NUDT3: variants seen among roughly 807,000 people sequenced by gnomAD.
The protein encoded by NUDT3 is nudix hydrolase 3, also known as diphosphoinositol polyphosphate phosphohydrolase 1.
In NUDT3, 9 loss-of-function variants were observed where a neutral mutation model predicts 23.6. That is an observed-to-expected ratio of 0.38 (90% confidence interval 0.23 to 0.66). The LOEUF (loss-of-function observed/expected upper bound fraction) is 0.66. NUDT3 is among the 30% of genes least tolerant of loss of function. The pLI is 0.52. For synonymous variants in NUDT3, 86 were observed against 82.6 expected (o/e 1.04, Z -0.22); for missense variants, 172 against 218.5 (o/e 0.79, Z 1.34).
intron 4 of NUDT3, 94 bp from the exon 5 acceptor site, chr6:34,289,025 TTTC>T: frequency 2.9e-6 from 4 of 1,400,472 alleles, no homozygotes; most frequent in Non-Finnish European, 3.8e-6. Flanking sequence ...TAAAGCAATG[TTTC>T]TTAACACTTT....
intron 2 of NUDT3, among the ~76,000 whole-genome samples, chr6:34,320,204 T>A (rs991109500): frequency 4.6e-5 from 7 of 152,172 alleles, no homozygotes; most frequent in African/African-American, 7.2e-5. Context: ...ATGAAAATTT[T>A]AAATTTTGTT....
chr6:34,327,843 C>T (rs938393000), intron 2 of NUDT3, among the ~76,000 whole-genome samples: 1 of 152,204 alleles, frequency 6.6e-6, no homozygotes, highest in African/African-American at 2.4e-5. Flanking sequence ...GCTGGCATTA[C>T]CGCTTGACCA....
intron 2 of NUDT3, among the ~76,000 whole-genome samples, chr6:34,297,760 A>ATATATATATATTT (rs1763535832): frequency 3.7e-5 from 2 of 53,652 alleles, no homozygotes; most frequent in Non-Finnish European, 6.2e-5. Context: ...TATATATATA[A>ATATATATATATTT]TTTTTTTTTT....
At chr6:34,354,866 C>G (rs891632561) in intron 1 of NUDT3, among the ~76,000 whole-genome samples, 1 of 143,836 alleles carries the variant, frequency 7.0e-6, no homozygotes, top group Non-Finnish European at 1.5e-5. Flanking sequence ...TATTTGTATA[C>G]TTTATATTCT....
At chr6:34,375,094 C>T (rs143438284) in intron 1 of NUDT3, among the ~76,000 whole-genome samples, 214 of 152,288 alleles carry the variant, frequency 1.4e-3, no homozygotes, top group South Asian at 7.9e-3. Context: ...TGCCTGTAAT[C>T]CCAGCACTTT....
chr6:34,327,481 G>A (rs367981664), intron 2 of NUDT3, among the ~76,000 whole-genome samples: 1 of 147,750 alleles, frequency 6.8e-6, no homozygotes, highest in East Asian at 2.0e-4. Context: ...AGTGAGCTGA[G>A]ATCGTGCCAC....
chr6:34,378,851 T>C (rs564773589), intron 1 of NUDT3, among the ~76,000 whole-genome samples: 1 of 152,292 alleles, frequency 6.6e-6, no homozygotes, highest in East Asian at 1.9e-4. Context: ...GAAAAATCAA[T>C]CATTCAATAC....
intron 2 of NUDT3, among the ~76,000 whole-genome samples, chr6:34,317,548 G>C (rs1184319020): frequency 1.3e-5 from 2 of 152,100 alleles, no homozygotes; most frequent in Admixed American, 6.6e-5. Context: ...AGGTATTCAA[G>C]CTTTTCTCCC....
chr6:34,385,399 A>G (rs946229627), intron 1 of NUDT3, among the ~76,000 whole-genome samples: 12 of 152,244 alleles, frequency 7.9e-5, no homozygotes, highest in Admixed American at 3.9e-4. Context: ...ACCATATTAC[A>G]TATTATTAGC....
Position 34,371,918 on chromosome 6 carries a change from G to A in NUDT3, c.99+20346C>T, listed in dbSNP as rs182050649. On this transcript the variant is annotated intron_variant, in intron 1 of 4. Coordinates refer to ENST00000607016, the MANE Select transcript of NUDT3 (RefSeq NM_006703.4). ...CTAACCCCACACTACAACAGGCCCC[G>A]GTGTGTGATGTTCCCCACCCTGTGT... Among the ~76,000 whole-genome samples, 265 of 152,092 alleles carry A rather than the reference G, an allele frequency of 1.7e-3. 2 individuals are homozygous for A. Among genetic ancestry groups the A allele is most frequent in the South Asian group, 2.9e-3 (14 of 4,822 alleles).
At chr6:34,385,316 A>G (rs1231308116) in intron 1 of NUDT3, among the ~76,000 whole-genome samples, 4 of 151,590 alleles carry the variant, frequency 2.6e-5, no homozygotes. Flanking sequence ...GGCCAGGCAC[A>G]GTGGCTCATG....
At chr6:34,313,812 A>C (rs1308605518) in intron 2 of NUDT3, among the ~76,000 whole-genome samples, 4 of 151,726 alleles carry the variant, frequency 2.6e-5, no homozygotes, top group Non-Finnish European at 5.9e-5. Context: ...AATACAAAAA[A>C]TTAGGCCAAG....
intron 2 of NUDT3, among the ~76,000 whole-genome samples, chr6:34,318,215 A>C (rs188793023): frequency 6.6e-6 from 1 of 152,338 alleles, no homozygotes; most frequent in East Asian, 1.9e-4. Context: ...GGATGGCTGT[A>C]TCCTTAAGCA....
At chr6:34,306,442 C>T (rs886113436) in intron 2 of NUDT3, among the ~76,000 whole-genome samples, 1 of 152,220 alleles carries the variant, frequency 6.6e-6, no homozygotes, top group Non-Finnish European at 1.5e-5. Flanking sequence ...GCAAGGGTTG[C>T]ATTTAGTGTT....
At chr6:34,347,854 C>T (rs1053838145) in intron 1 of NUDT3, among the ~76,000 whole-genome samples, 14 of 151,952 alleles carry the variant, frequency 9.2e-5, no homozygotes, top group Non-Finnish European at 4.4e-5. Flanking sequence ...CCTGCCCGGA[C>T]GTACTGGCTC....
chr6:34,326,048 G>C (rs1764023185), intron 2 of NUDT3, among the ~76,000 whole-genome samples: 4 of 150,932 alleles, frequency 2.7e-5, no homozygotes, highest in African/African-American at 9.9e-5. Flanking sequence ...TAAAGCCATA[G>C]GCCATAGGCC....
intron 1 of NUDT3, among the ~76,000 whole-genome samples, chr6:34,387,088 C>A (rs1765118616): frequency 6.6e-6 from 1 of 152,096 alleles, no homozygotes; most frequent in African/African-American, 2.4e-5. Context: ...CCAGCCTGGG[C>A]AACAGAGTAA....
chr6:34,391,029 T>C (rs983061503), intron 1 of NUDT3, among the ~76,000 whole-genome samples: 1 of 152,230 alleles, frequency 6.6e-6, no homozygotes, highest in Non-Finnish European at 1.5e-5. Context: ...CGTTCTGTTT[T>C]GCTGAAAGGG....
chr6:34,310,360 T>G (rs1215628890), intron 2 of NUDT3, among the ~76,000 whole-genome samples: 1 of 151,560 alleles, frequency 6.6e-6, no homozygotes, highest in Non-Finnish European at 1.5e-5. Flanking sequence ...TGAAACCCTG[T>G]GTCTACTAAA....
Sources: allele counts gnomAD v4.1 joint callset (sites outside exome capture counted in the v4.1 genomes callset), GRCh38; gene constraint gnomAD v4.1.1; transcripts MANE v1.5; gene names NCBI Gene and HGNC (gene_info 2026-07-23, HGNC 2026-07-21).